SLC16A10: variants seen among roughly 807,000 people sequenced by gnomAD.
The protein encoded by SLC16A10 is monocarboxylate transporter 10.
In SLC16A10, 27 loss-of-function variants were observed where a neutral mutation model predicts 40.0. The ratio of observed to expected loss-of-function variants is 0.67; its 90% CI spans 0.50 to 0.93. The LOEUF is 0.93. SLC16A10 is among the 40% of genes least tolerant of loss of function. The pLI is 0.00. For synonymous variants in SLC16A10, 213 were observed against 249.8 expected (o/e 0.85, Z 1.39); for missense variants, 529 against 658.2 (o/e 0.80, Z 2.15).
intron 1 of SLC16A10, among the ~76,000 whole-genome samples, chr6:111,118,127 A>T (rs1771521138): frequency 6.6e-6 from 1 of 152,232 alleles, no homozygotes; most frequent in Non-Finnish European, 1.5e-5. Flanking sequence ...TGCACAACAT[A>T]ATTTAAGAAA....
At chr6:111,104,861 G>A (rs1396342307) in intron 1 of SLC16A10, among the ~76,000 whole-genome samples, 4 of 151,582 alleles carry the variant, frequency 2.6e-5, no homozygotes, top group African/African-American at 9.7e-5. Flanking sequence ...CACTGAGATG[G>A]CCACTGTAGC....
At chr6:111,099,255 T>C (rs1771129743) in intron 1 of SLC16A10, among the ~76,000 whole-genome samples, 1 of 152,232 alleles carries the variant, frequency 6.6e-6, no homozygotes, top group African/African-American at 2.4e-5. Flanking sequence ...CTTATATTTG[T>C]ATTTTTATGC....
At chr6:111,111,137 T>C (rs1228173599) in intron 1 of SLC16A10, among the ~76,000 whole-genome samples, 1 of 152,198 alleles carries the variant, frequency 6.6e-6, no homozygotes, top group East Asian at 1.9e-4. Context: ...TGTTTTGATT[T>C]CTACTTAATT....
intron 3 of SLC16A10, among the ~76,000 whole-genome samples, chr6:111,179,157 A>G (rs1242693914): frequency 6.6e-6 from 1 of 152,158 alleles, no homozygotes; most frequent in Non-Finnish European, 1.5e-5. Flanking sequence ...GTACTACCAC[A>G]TGAACACACC....
intron 1 of SLC16A10, among the ~76,000 whole-genome samples, chr6:111,097,250 A>C (rs888095295): frequency 3.3e-5 from 5 of 152,200 alleles, no homozygotes; most frequent in African/African-American, 1.2e-4. Flanking sequence ...AGACAATGTC[A>C]TACTCTGTAT....
At chr6:111,093,041 CAA>C (rs773591090) in intron 1 of SLC16A10, among the ~76,000 whole-genome samples, 5 of 114,670 alleles carry the variant, frequency 4.4e-5, no homozygotes, top group Admixed American at 9.3e-5. Context: ...AACTCCGTCT[CAA>C]AAAAAAAAAA....
intron 1 of SLC16A10, among the ~76,000 whole-genome samples, chr6:111,121,902 T>A (rs1583314121): frequency 6.6e-6 from 1 of 152,096 alleles, no homozygotes; most frequent in Non-Finnish European, 1.5e-5. Context: ...GTTCTAGGGG[T>A]CTGGGTTTGG....
intron 1 of SLC16A10, among the ~76,000 whole-genome samples, chr6:111,142,887 A>T (rs1772008830): frequency 6.6e-6 from 1 of 152,238 alleles, no homozygotes; most frequent in African/African-American, 2.4e-5. Flanking sequence ...AAGGAGTTGA[A>T]AACTTATATT....
intron 3 of SLC16A10, among the ~76,000 whole-genome samples, chr6:111,187,588 C>T (rs1583351609): frequency 6.6e-6 from 1 of 152,160 alleles, no homozygotes; most frequent in South Asian, 2.1e-4. Flanking sequence ...TACCCAAGAA[C>T]ATCCATGGAA....
At chr6:111,208,349 G>A (rs1773288786) in intron 4 of SLC16A10, among the ~76,000 whole-genome samples, 1 of 152,116 alleles carries the variant, frequency 6.6e-6, no homozygotes, top group Non-Finnish European at 1.5e-5. Context: ...ACTTTGGGAG[G>A]CTGAGGCAGG....
chr6:111,182,518 G>A (rs201254630), intron 3 of SLC16A10, among the ~76,000 whole-genome samples: 1 of 5,598 alleles, frequency 1.8e-4, no homozygotes. Context: ...TGTATTCTAC[G>A]GTGGTTTCAT....
chr6:111,123,111 G>A (rs554939428), intron 1 of SLC16A10, among the ~76,000 whole-genome samples: 9 of 152,230 alleles, frequency 5.9e-5, no homozygotes, highest in Admixed American at 1.3e-4. Flanking sequence ...TGTTTTTATC[G>A]TCAGGTGCTG....
chr6:111,172,364 C>G (rs553998215), intron 1 of SLC16A10, among the ~76,000 whole-genome samples: 1 of 152,034 alleles, frequency 6.6e-6, no homozygotes, highest in African/African-American at 2.4e-5. Context: ...TATTTCTTTC[C>G]TGTTGGTTTT....
chr6:111,120,982 C>T (rs769726356), intron 1 of SLC16A10, among the ~76,000 whole-genome samples: 2 of 151,964 alleles, frequency 1.3e-5, no homozygotes, highest in Non-Finnish European at 2.9e-5. Context: ...AGATAGCAGC[C>T]AAGTAGGCAC....
At chr6:111,169,057 GTCTGAC>G (rs1266896469) in intron 1 of SLC16A10, among the ~76,000 whole-genome samples, 1 of 152,150 alleles carries the variant, frequency 6.6e-6, no homozygotes, top group African/African-American at 2.4e-5. Context: ...GAGGACCAGG[GTCTGAC>G]TCTCCGAGAC....
intron 1 of SLC16A10, among the ~76,000 whole-genome samples, chr6:111,148,435 T>C (rs756445652): frequency 2.6e-5 from 4 of 152,258 alleles, no homozygotes; most frequent in Non-Finnish European, 5.9e-5. Context: ...TATCAGAGCA[T>C]CTTTGTTTAA....
chr6:111,157,328 G>A (rs1355480954), intron 1 of SLC16A10, among the ~76,000 whole-genome samples: 1 of 151,708 alleles, frequency 6.6e-6, no homozygotes, highest in Non-Finnish European at 1.5e-5. Flanking sequence ...CTGTCACCTG[G>A]ACTGGAGTGC....
At chr6:111,094,686 G>A (rs1005502136) in intron 1 of SLC16A10, among the ~76,000 whole-genome samples, 1 of 152,038 alleles carries the variant, frequency 6.6e-6, no homozygotes, top group Non-Finnish European at 1.5e-5. Context: ...TCCCCAGGCT[G>A]GAGTGCAGTG....
intron 1 of SLC16A10, among the ~76,000 whole-genome samples, chr6:111,154,229 G>C (rs1772227442): frequency 6.6e-6 from 1 of 152,142 alleles, no homozygotes; most frequent in African/African-American, 2.4e-5. Context: ...AACAACTATA[G>C]TAATAACAGG....
Sources: gnomAD v4.1 joint callset for allele counts (sites outside exome capture counted in the v4.1 genomes callset) on GRCh38, gnomAD v4.1.1 for gene constraint, MANE v1.5 for transcripts, NCBI Gene and HGNC (gene_info 2026-07-23, HGNC 2026-07-21) for gene names.